AKAP7: variants seen among roughly 807,000 people sequenced by gnomAD.
AKAP7 encodes A-kinase anchoring protein 7, also known as A kinase (PRKA) anchor protein 7.
Under a neutral mutation model 39.5 loss-of-function variants are expected in AKAP7, and 39 were observed. The observed-to-expected ratio is 0.99, with a 90% CI of 0.76 to 1.29. The LOEUF (loss-of-function observed/expected upper bound fraction) is 1.29, where lower values mean the gene tolerates loss of function less well. AKAP7 is among the 50% of genes most tolerant of loss of function. AKAP7 has a pLI of 0.00. For synonymous variants in AKAP7, 140 were observed against 139.1 expected, an observed-to-expected ratio of 1.01 and a Z score of -0.05; for missense variants, 414 against 407.7, an observed-to-expected ratio of 1.02 and a Z score of -0.13.
intron 5 of AKAP7, among the ~76,000 whole-genome samples, chr6:131,189,005 A>T (rs777560096): frequency 1.3e-5 from 2 of 152,234 alleles, no homozygotes; most frequent in Non-Finnish European, 2.9e-5. Flanking sequence ...AATATAGCTT[A>T]GTCTAGCCTA....
chr6:131,274,306 A>C (rs1814563633), intron 7 of AKAP7, among the ~76,000 whole-genome samples: 1 of 152,002 alleles, frequency 6.6e-6, no homozygotes, highest in South Asian at 2.1e-4. Context: ...TTTTTGTGGA[A>C]TTTCAAACAC....
chr6:131,200,059 C>T (rs1021275406), intron 6 of AKAP7: 1 of 173,718 alleles, frequency 5.8e-6, no homozygotes, highest in African/African-American at 2.4e-5. Context: ...GGCCTTGGAA[C>T]CAGGTATACC....
chr6:131,272,584 A>G (rs757302573), intron 7 of AKAP7, among the ~76,000 whole-genome samples: 5 of 152,156 alleles, frequency 3.3e-5, no homozygotes, highest in Admixed American at 1.3e-4. Flanking sequence ...GGTATTTTCT[A>G]ATTCCTCTTG....
chr6:131,166,330 C>T (rs897785207), intron 4 of AKAP7, among the ~76,000 whole-genome samples: 14 of 152,064 alleles, frequency 9.2e-5, no homozygotes, highest in Admixed American at 2.0e-4. Context: ...GAAGATACTA[C>T]GCAAAATGAA....
intron 7 of AKAP7, among the ~76,000 whole-genome samples, chr6:131,270,319 T>C (rs529721334): frequency 3.3e-5 from 5 of 152,226 alleles, no homozygotes; most frequent in Non-Finnish European, 7.3e-5. Context: ...AATGAAATCA[T>C]ACAGTATGTA....
At chr6:131,256,238 A>C (rs1812838693) in intron 7 of AKAP7, among the ~76,000 whole-genome samples, 1 of 152,228 alleles carries the variant, frequency 6.6e-6, no homozygotes, top group African/African-American at 2.4e-5. Flanking sequence ...AATGGTGTGC[A>C]AGGTAAAACA....
chr6:131,200,242 C>A (rs142407257), intron 6 of AKAP7, among the ~76,000 whole-genome samples: 1 of 152,156 alleles, frequency 6.6e-6, no homozygotes, highest in Non-Finnish European at 1.5e-5. Flanking sequence ...CCGCAGAAGT[C>A]GGAGCAACTT....
At chr6:131,142,681 A>G (rs929233360) in intron 1 of AKAP7, among the ~76,000 whole-genome samples, 3 of 152,212 alleles carry the variant, frequency 2.0e-5, no homozygotes, top group Non-Finnish European at 4.4e-5. Flanking sequence ...CCACCAGGGC[A>G]CTGCCTAGTG....
chr6:131,231,958 A>G (rs966988467), intron 7 of AKAP7, among the ~76,000 whole-genome samples: 4 of 152,304 alleles, frequency 2.6e-5, no homozygotes, highest in African/African-American at 7.2e-5. Context: ...CTCTCAGCTT[A>G]CTTCTTTACA....
chr6:131,224,911 C>T (rs1006589702), intron 7 of AKAP7, among the ~76,000 whole-genome samples: 13 of 151,294 alleles, frequency 8.6e-5, no homozygotes, highest in East Asian at 3.9e-4. Context: ...CCACCATGCC[C>T]GGCTAATTTT....
chr6:131,267,535 G>A (rs925367990), intron 7 of AKAP7, among the ~76,000 whole-genome samples: 8 of 152,162 alleles, frequency 5.3e-5, no homozygotes, highest in African/African-American at 1.9e-4. Flanking sequence ...ACTCTTCAGT[G>A]TGTCCCCCTG....
intron 7 of AKAP7, among the ~76,000 whole-genome samples, chr6:131,229,776 C>T (rs533938233): frequency 2.5e-4 from 38 of 152,242 alleles, no homozygotes; most frequent in African/African-American, 8.4e-4. Context: ...CCTGTGAAAC[C>T]GCTATTGCCT....
At chr6:131,213,112 G>T (rs1358145694) in intron 6 of AKAP7, among the ~76,000 whole-genome samples, 2 of 152,166 alleles carry the variant, frequency 1.3e-5, no homozygotes, top group Admixed American at 1.3e-4. Flanking sequence ...AGCTATAAAA[G>T]CACAACACAT....
chr6:131,259,236 T>G (rs1249607609), intron 7 of AKAP7, among the ~76,000 whole-genome samples: 1 of 152,176 alleles, frequency 6.6e-6, no homozygotes, highest in Non-Finnish European at 1.5e-5. Context: ...CAGGATTTGA[T>G]TGATAGCTGA....
intron 7 of AKAP7, among the ~76,000 whole-genome samples, chr6:131,260,802 TTTAA>T (rs1813251251): frequency 6.6e-6 from 1 of 152,206 alleles, no homozygotes; most frequent in Admixed American, 6.5e-5. Flanking sequence ...AGCTTTTTAG[TTTAA>T]TTAGATTCCA....
intron 7 of AKAP7, among the ~76,000 whole-genome samples, chr6:131,227,219 C>A (rs1486530554): frequency 6.6e-6 from 1 of 152,132 alleles, no homozygotes; most frequent in Non-Finnish European, 1.5e-5. Flanking sequence ...GCTTTAATGG[C>A]AAAGACCACA....
rs753161354 is a variant in AKAP7, at chr6:131,162,569, A to T, written c.291+2371A>T. On this transcript the variant is annotated intron_variant, in intron 3 of 7. Coordinates refer to ENST00000431975, the MANE Select transcript of AKAP7 (RefSeq NM_016377.4). ...ATATAGCCGTGTCACCAACCTGCTT[A>T]TATACTTCAGGATTTTCCCATCGAT... Among the ~76,000 whole-genome samples the T allele has an allele frequency of 6.8e-4, 103 of 152,266 alleles. 1 individual carries two copies. The highest frequency in any genetic ancestry group is 1.2e-3 in the Admixed American group (18 of 15,292).
At chr6:131,174,836 T>G (rs559267507) in intron 5 of AKAP7, among the ~76,000 whole-genome samples, 8 of 152,320 alleles carry the variant, frequency 5.3e-5, no homozygotes, top group African/African-American at 1.7e-4. Context: ...TAGACTGACT[T>G]ACTGTAAAGC....
Position 131,153,534 on chromosome 6 carries a change from T to A in AKAP7, c.152-6525T>A, listed in dbSNP as rs562484300. Among the ~76,000 whole-genome samples the A allele has an allele frequency of 2.0e-5, 3 of 147,878 alleles. No individual in the cohort carries two copies. In the East Asian group the frequency reaches 5.9e-4, roughly 29 times the overall value. On this transcript the variant is annotated intron_variant, in intron 2 of 7. Transcript: ENST00000431975. ...TAACCATTACCTTGAGAGATTATGA[T>A]TTTTTTTTTTGCAAAATGGATTTAT...
Sources: allele counts gnomAD v4.1 joint callset (sites outside exome capture counted in the v4.1 genomes callset), GRCh38; gene constraint gnomAD v4.1.1; transcripts MANE v1.5; gene names NCBI Gene and HGNC (gene_info 2026-07-23, HGNC 2026-07-21).